NEK6: variants seen among roughly 807,000 people sequenced by gnomAD.
NEK6 encodes NIMA related kinase 6.
Under a neutral mutation model 43.5 loss-of-function variants are expected in NEK6, and 27 were observed. The observed-to-expected ratio is 0.62, with a 90% CI of 0.46 to 0.86. The LOEUF (loss-of-function observed/expected upper bound fraction) is 0.86, where lower values mean the gene tolerates loss of function less well. Ranked by LOEUF, NEK6 falls within the 40% of genes least tolerant of loss-of-function variation. The pLI, the probability that NEK6 is intolerant of heterozygous loss-of-function variation, is 0.00. For synonymous variants in NEK6, 167 were observed against 164.1 expected, an observed-to-expected ratio of 1.02 and a Z score of -0.14; for missense variants, 318 against 414.4, an observed-to-expected ratio of 0.77 and a Z score of 2.02.
chr9:124,295,337 C>T (rs2119085846), intron 1 of NEK6, among the ~76,000 whole-genome samples: 1 of 152,294 alleles, frequency 6.6e-6, no homozygotes. Flanking sequence ...GCTTGACAGG[C>T]CCCCATGACT....
At chr9:124,279,522 C>G (rs535429772) in intron 1 of NEK6, among the ~76,000 whole-genome samples, 2 of 152,110 alleles carry the variant, frequency 1.3e-5, no homozygotes, top group Non-Finnish European at 2.9e-5. Flanking sequence ...AGGCTGGTCT[C>G]GAACTCCTGA....
chr9:124,339,599 G>C lies in NEK6; in HGVS notation c.651G>C (p.Glu217Asp). Residue 217 changes from glutamate to aspartate, a missense_variant, in exon 8 of 10, where the codon GAG becomes GAC. By Grantham distance (45) the Glu-to-Asp change is conservative. Around this residue, in one of 2 missense-constraint regions of NEK6, gnomAD observed 239 missense variants for 344.4 expected, o/e 0.69. Transcript: ENST00000320246. ...LVGTPYYMSP[E>D]RIHENGYNFK... ...GGACGCCCTACTACATGTCACCGGA[G>C]AGGATCCATGAGAACGGCTACAACT... 6.2e-7 allele frequency: 1 copy of C among 1,614,140 alleles called. No individual in the cohort carries two copies. The highest frequency in any genetic ancestry group is 8.5e-7 in the Non-Finnish European group (1 of 1,179,988).
At chr9:124,274,229 A>G (rs1392508333) in intron 1 of NEK6, among the ~76,000 whole-genome samples, 1 of 152,234 alleles carries the variant, frequency 6.6e-6, no homozygotes, top group Admixed American at 6.5e-5. Flanking sequence ...CTTCCTGCGC[A>G]TGTCCCGTGT....
At chr9:124,307,655 AG>A (rs895532239) in intron 2 of NEK6, among the ~76,000 whole-genome samples, 2 of 152,174 alleles carry the variant, frequency 1.3e-5, no homozygotes, top group African/African-American at 4.8e-5. Context: ...GCCCTGGCAG[AG>A]GAGCCTGAGG....
At chr9:124,290,548 G>A (rs1276958390) in intron 1 of NEK6, among the ~76,000 whole-genome samples, 2 of 152,266 alleles carry the variant, frequency 1.3e-5, no homozygotes, top group Admixed American at 1.3e-4. Context: ...AGCTGCAGAT[G>A]GGGCACAGGG....
intron 4 of NEK6, among the ~76,000 whole-genome samples, chr9:124,314,975 T>C (rs1833743815): frequency 6.6e-6 from 1 of 152,224 alleles, no homozygotes; most frequent in African/African-American, 2.4e-5. Context: ...TGAAACATAC[T>C]GGATTTGCTC....
intron 7 of NEK6, among the ~76,000 whole-genome samples, chr9:124,338,806 G>C (rs966965649): frequency 6.6e-6 from 1 of 152,150 alleles, no homozygotes; most frequent in African/African-American, 2.4e-5. Context: ...GCACTGTTGG[G>C]AACAGAAATG....
intron 8 of NEK6, among the ~76,000 whole-genome samples, chr9:124,346,975 A>G (rs955055619): frequency 3.9e-5 from 6 of 152,104 alleles, no homozygotes; most frequent in South Asian, 2.1e-4. Flanking sequence ...ACATTTTACA[A>G]ATGAGGAAAC....
chr9:124,298,980 G>A (rs1186848433), intron 1 of NEK6, among the ~76,000 whole-genome samples: 1 of 152,256 alleles, frequency 6.6e-6, no homozygotes, highest in Non-Finnish European at 1.5e-5. Context: ...AGAGTGTGCA[G>A]ACCATGGCAT....
chr9:124,301,943 C>G lies in NEK6; in HGVS notation c.-22C>G. The stretch of plus-strand genomic sequence containing the variant: ...CGCTGTTTTCTGTTGCAGTTCGTGC[C>G]CTCGTGAGGCTGGCATGCAGGATGG... On this transcript the variant is annotated 5_prime_UTR_variant, in exon 2 of 10. Transcript: ENST00000320246. 6.3e-7 allele frequency: 1 copy of G among 1,580,784 alleles called. No individual in the cohort carries two copies. Among genetic ancestry groups the G allele is most frequent in the Non-Finnish European group, 8.6e-7 (1 of 1,162,590 alleles).
At chr9:124,306,900 T>C (rs1166124631) in intron 2 of NEK6, among the ~76,000 whole-genome samples, 1 of 152,226 alleles carries the variant, frequency 6.6e-6, no homozygotes, top group Non-Finnish European at 1.5e-5. Context: ...AATTCGTTTA[T>C]AAGAAATGTC....
intron 7 of NEK6, among the ~76,000 whole-genome samples, chr9:124,333,388 T>A (rs1177494214): frequency 6.6e-6 from 1 of 152,128 alleles, no homozygotes; most frequent in African/African-American, 2.4e-5. Flanking sequence ...CACAGCACCC[T>A]GACTTTAAGA....
intron 7 of NEK6, among the ~76,000 whole-genome samples, chr9:124,333,005 G>T (rs575647312): frequency 1.3e-5 from 2 of 152,120 alleles, no homozygotes; most frequent in African/African-American, 4.8e-5. Context: ...GAGATGGGCC[G>T]GGATAAGGCC....
chr9:124,326,587 G>GCA lies in NEK6; in HGVS notation c.514+157_514+158dup, dbSNP rs972711045. ...GGCAAGGGGGCTGCCCAGCAACCGC[G>GCA]CACACACACGCGCCCGGGTCAGGAA... On this transcript the variant is annotated intron_variant, in intron 6 of 9. Transcript: ENST00000320246. The surrounding 1 kb of genome is among the most constrained non-coding windows in gnomAD (Gnocchi z 4.5). The GCA allele has an allele frequency of 4.8e-6, 3 of 621,214 alleles. No homozygotes were observed. The highest frequency in any genetic ancestry group is 2.5e-5 in the Admixed American group (1 of 39,404). The allele number at this position is 621,214 out of a possible 1,614,324, so 38.5% of individuals were successfully genotyped here.
intron 1 of NEK6, among the ~76,000 whole-genome samples, chr9:124,272,224 G>T (rs899715712): frequency 5.3e-5 from 8 of 152,222 alleles, no homozygotes; most frequent in African/African-American, 1.9e-4. Context: ...AGGCCACAGG[G>T]CAGGCTCTCA....
intron 4 of NEK6, among the ~76,000 whole-genome samples, chr9:124,316,537 AC>A (rs1833825981): frequency 6.6e-6 from 1 of 151,944 alleles, no homozygotes; most frequent in African/African-American, 2.4e-5. Flanking sequence ...TCTTTGCAGC[AC>A]CTTCCCTGTC....
At chr9:124,264,389 C>T (rs1046674297) in intron 1 of NEK6, among the ~76,000 whole-genome samples, 8 of 152,218 alleles carry the variant, frequency 5.3e-5, no homozygotes, top group African/African-American at 1.2e-4. Context: ...ATCCGGAAAA[C>T]GGGCCAGTAA....
intron 1 of NEK6, among the ~76,000 whole-genome samples, chr9:124,261,976 T>C (rs1244673999): frequency 6.6e-6 from 1 of 151,460 alleles, no homozygotes. Flanking sequence ...TTTGCTGACA[T>C]CATTCTTAGG....
chr9:124,297,980 A>G (rs1442246402), intron 1 of NEK6, among the ~76,000 whole-genome samples: 4 of 152,220 alleles, frequency 2.6e-5, no homozygotes, highest in Non-Finnish European at 5.9e-5. Flanking sequence ...CTAAAATCCA[A>G]TACCCATGGA....
Sources: gnomAD v4.1 joint callset for allele counts (sites outside exome capture counted in the v4.1 genomes callset) on GRCh38, gnomAD v4.1.1 for gene constraint, gnomAD v4.1.1 regional missense constraint, Gnocchi (gnomAD v3.1) non-coding constraint, MANE v1.5 for transcripts, NCBI Gene and HGNC (gene_info 2026-07-23, HGNC 2026-07-21) for gene names.